SMCHD1: variants seen among roughly 807,000 people sequenced by gnomAD.
SMCHD1 encodes structural maintenance of chromosomes flexible hinge domain-containing protein 1.
SMCHD1 carries 78 observed loss-of-function variants against 254.7 expected under a neutral mutation model. That is an observed-to-expected ratio of 0.31 (90% CI 0.26 to 0.37). The LOEUF (loss-of-function observed/expected upper bound fraction) is 0.37, where lower values mean the gene tolerates loss of function less well. SMCHD1 is among the 10% of genes least tolerant of loss of function. The pLI, the probability that SMCHD1 is intolerant of heterozygous loss-of-function variation, is 1.00. For synonymous variants in SMCHD1, 766 were observed against 794.9 expected, an observed-to-expected ratio of 0.96 and a Z score of 0.61; for missense variants, 1,840 against 2,408.1, an observed-to-expected ratio of 0.76 and a Z score of 4.94.
Position 2,655,897 on chromosome 18 carries a change from C to T in SMCHD1, c.-179C>T, listed in dbSNP as rs1598264202. ...GGCAGGAGCGCGTTTGAATCGGTTC[C>T]CGGGTGATCCTCGCGCCTGCCGCTG... On this transcript the variant is annotated 5_prime_UTR_variant, in exon 1 of 48. Transcript: ENST00000320876. 2.3e-5 allele frequency: 9 copies of T among 399,316 alleles called. No homozygotes were observed. In the South Asian group the frequency reaches 7.9e-4, roughly 35 times the overall value. 24.7% of individuals were successfully genotyped at this position (399,316 alleles called of 1,614,324 possible). A position where few individuals can be genotyped will look rare whatever the true frequency, so the allele number is the denominator to read the frequency against.
intron 28 of SMCHD1, among the ~76,000 whole-genome samples, chr18:2,741,561 T>TCTGTTCTG (rs2075349794): frequency 6.6e-6 from 1 of 152,224 alleles, no homozygotes; most frequent in Admixed American, 6.5e-5. Flanking sequence ...TCTCCAGTAA[T>TCTGTTCTG]CTGTTCTGCT....
rs769432583 is a variant in SMCHD1, at chr18:2,708,907, T to TATATATATATATATATATATAAAA, written c.2260+988_2260+989insTATATATATATATATATATAAAAA. Among the ~76,000 whole-genome samples the TATATATATATATATATATATAAAA allele has an allele frequency of 4.3e-4, 19 of 44,702 alleles. 3 individuals carry two copies. The highest frequency in any genetic ancestry group is 1.2e-3 in the Admixed American group (4 of 3,386). The allele number at this position is 44,702 out of a possible 152,430, so 29.3% of individuals were successfully genotyped here. A position where few individuals can be genotyped will look rare whatever the true frequency, so the allele number is the denominator to read the frequency against. ...ATATATATATATATATATATATATATAACATATTAACATGAAATTTATGAA... is the reference window on the plus strand; with the variant it reads ...ATATATATATATATATATATATATATATATATATATATATATATATAAAAAACATATTAACATGAAATTTATGAA... On this transcript the variant is annotated intron_variant, in intron 17 of 47. Transcript: ENST00000320876.
Position 2,718,039 on chromosome 18 carries a change from G to A in SMCHD1, c.2261-119G>A, listed in dbSNP as rs1568223958. ...ATAGGATAGTGTTAGATCTTTTGAA[G>A]CTTCAAAGCAGGTTTTAAAATACAG... is the stretch of plus-strand genomic sequence containing the variant. On this transcript the variant is annotated intron_variant, in intron 17 of 47. Coordinates refer to ENST00000320876, the MANE Select transcript of SMCHD1 (RefSeq NM_015295.3). This position sits in a 1 kb window ranked among gnomAD's most constrained non-coding sequence, Gnocchi z 4.6. 1.5e-6 allele frequency: 1 copy of A among 678,830 alleles called. No homozygotes were observed. The highest frequency in any genetic ancestry group is 2.5e-6 in the Non-Finnish European group (1 of 406,456). The allele number at this position is 678,830 out of a possible 1,614,324, so 42.1% of individuals were successfully genotyped here. A position where few individuals can be genotyped will look rare whatever the true frequency, so the allele number is the denominator to read the frequency against.
In SMCHD1 at chr18:2,802,570, A is replaced by G; in HGVS notation, c.*18A>G. Reference sequence around the variant, plus strand: ...ATGTATGAGAGGTGACAGAGAGAAGAGGCCATTGGTCTCAGTAAGAATGCC... The same window carrying G: ...ATGTATGAGAGGTGACAGAGAGAAGGGGCCATTGGTCTCAGTAAGAATGCC... On this transcript the variant is annotated 3_prime_UTR_variant, in exon 48 of 48. Coordinates refer to ENST00000320876, the MANE Select transcript of SMCHD1 (RefSeq NM_015295.3). 2 of 1,550,652 alleles carry G rather than the reference A, an allele frequency of 1.3e-6. No individual in the cohort carries two copies. Among genetic ancestry groups the G allele is most frequent in the South Asian group, 2.4e-5 (2 of 83,418 alleles).
At chr18:2,702,810 C>T (rs976128354) in intron 12 of SMCHD1, among the ~76,000 whole-genome samples, 1 of 152,102 alleles carries the variant, frequency 6.6e-6, no homozygotes, top group Non-Finnish European at 1.5e-5. Flanking sequence ...TTAATTTTGC[C>T]TTACTTTCCT....
In SMCHD1 at chr18:2,759,571, C is replaced by CTTTTTTTTTTTTTTT. The variant is rs61159403; in HGVS notation, c.4347-1079_4347-1065dup. Among the ~76,000 whole-genome samples the CTTTTTTTTTTTTTTT allele has an allele frequency of 1.4e-3, 98 of 69,498 alleles. 8 individuals carry two copies. Among genetic ancestry groups the CTTTTTTTTTTTTTTT allele is most frequent in the African/African-American group, 2.4e-3 (43 of 17,714 alleles). The allele number at this position is 69,498 out of a possible 152,430, so 45.6% of individuals were successfully genotyped here. A position where few individuals can be genotyped will look rare whatever the true frequency, so the allele number is the denominator to read the frequency against. On this transcript the variant is annotated intron_variant, in intron 34 of 47. Transcript: ENST00000320876. ...AAGCAGAAGTCCGTTTTAATTCTCTCTTTTTTTTTTTTTTTTGAGATAGAG... is the reference window on the plus strand; with the variant it reads ...AAGCAGAAGTCCGTTTTAATTCTCTCTTTTTTTTTTTTTTTTTTTTTTTTTTTTTTTGAGATAGAG...
intron 45 of SMCHD1, among the ~76,000 whole-genome samples, chr18:2,792,773 A>C (rs1474511786): frequency 6.6e-6 from 1 of 152,158 alleles, no homozygotes; most frequent in Admixed American, 6.5e-5. Flanking sequence ...AGCTATTCTT[A>C]ATATTTTTAT....
chr18:2,735,480 A>G (rs537961469), intron 25 of SMCHD1, among the ~76,000 whole-genome samples: 4 of 152,354 alleles, frequency 2.6e-5, no homozygotes, highest in East Asian at 3.9e-4. Flanking sequence ...TAGGAAAAGA[A>G]GTCAAACTGT....
intron 30 of SMCHD1, among the ~76,000 whole-genome samples, chr18:2,748,634 A>T (rs1179528085): frequency 6.6e-6 from 1 of 151,894 alleles, no homozygotes; most frequent in Non-Finnish European, 1.5e-5. Flanking sequence ...ACCGCGGGTG[A>T]TCCACCCGCC....
At position 2,802,723 on chromosome 18, in the gene SMCHD1, C is replaced by A; in HGVS notation, c.*171C>A. On this transcript the variant is annotated 3_prime_UTR_variant, in exon 48 of 48. Transcript: ENST00000320876. ...TCAGATGGGACTGGAAACAACCATT[C>A]AATTTTATGAATCTTACTGGACATT... is the stretch of plus-strand genomic sequence containing the variant. The A allele has an allele frequency of 4.0e-6, 2 of 501,826 alleles. No individual in the cohort carries two copies. The highest frequency in any genetic ancestry group is 7.0e-6 in the Non-Finnish European group (2 of 285,684). The allele number at this position is 501,826 out of a possible 1,614,324, so 31.1% of individuals were successfully genotyped here.
chr18:2,723,423 T>C (rs201847985), intron 20 of SMCHD1, among the ~76,000 whole-genome samples: 2 of 151,744 alleles, frequency 1.3e-5, no homozygotes, highest in African/African-American at 4.8e-5. Context: ...GGAGAGGCTG[T>C]TGCCTGTGAG....
At chr18:2,711,785 A>G (rs968382109) in intron 17 of SMCHD1, among the ~76,000 whole-genome samples, 1 of 152,050 alleles carries the variant, frequency 6.6e-6, no homozygotes, top group Admixed American at 6.5e-5. Flanking sequence ...CCCGGCCTGG[A>G]TGTTTGTCTT....
intron 5 of SMCHD1, among the ~76,000 whole-genome samples, chr18:2,682,046 G>GT (rs1367807033): frequency 6.6e-6 from 1 of 152,182 alleles, no homozygotes; most frequent in East Asian, 1.9e-4. Flanking sequence ...GAATACGTTT[G>GT]TAACATCTAA....
chr18:2,795,226 T>C (rs2143857520), intron 45 of SMCHD1, among the ~76,000 whole-genome samples: 1 of 152,192 alleles, frequency 6.6e-6, no homozygotes, highest in Non-Finnish European at 1.5e-5. Context: ...GCTAATTTTG[T>C]TTTTGTATTT....
At chr18:2,797,598 A>G (rs530008075) in intron 47 of SMCHD1, among the ~76,000 whole-genome samples, 2 of 152,366 alleles carry the variant, frequency 1.3e-5, no homozygotes, top group Admixed American at 6.5e-5. Context: ...CTGTAATTCT[A>G]TGCAGTAGAG....
At chr18:2,722,424 A>G (rs2074946290) in intron 19 of SMCHD1, 95 bp from the exon 20 acceptor site, 1 of 1,051,908 alleles carries the variant, frequency 9.5e-7, no homozygotes, top group Non-Finnish European at 1.4e-6. Context: ...ATAGATTTCT[A>G]AAATTTCTCA....
At chr18:2,723,695 G>A (rs577457047) in intron 20 of SMCHD1, among the ~76,000 whole-genome samples, 1 of 152,250 alleles carries the variant, frequency 6.6e-6, no homozygotes, top group Non-Finnish European at 1.5e-5. Flanking sequence ...CAGCTTATCT[G>A]CTGTCCCTGG....
At chr18:2,738,091 C>G (rs2075283117) in intron 25 of SMCHD1, among the ~76,000 whole-genome samples, 1 of 152,002 alleles carries the variant, frequency 6.6e-6, no homozygotes, top group African/African-American at 2.4e-5. Flanking sequence ...ATCACATGAT[C>G]TGATTTATAT....
Position 2,738,166 on chromosome 18 carries a change from A to G in SMCHD1, c.3277-231A>G, listed in dbSNP as rs117286838. Reference sequence around the variant, plus strand: ...GGCAGAGCTCTAAAGAAATGACTTAAGAATTTTTATTTTATCTCACTAAAA... The same window carrying G: ...GGCAGAGCTCTAAAGAAATGACTTAGGAATTTTTATTTTATCTCACTAAAA... On this transcript the variant is annotated intron_variant, in intron 25 of 47. Coordinates refer to ENST00000320876, the MANE Select transcript of SMCHD1 (RefSeq NM_015295.3). 0.024 allele frequency among the ~76,000 whole-genome samples: 3,727 copies of G among 152,328 alleles called. 71 individuals are homozygous for G. Among genetic ancestry groups the G allele is most frequent in the Non-Finnish European group, 0.039 (2,660 of 68,024 alleles).
Sources: gnomAD v4.1 joint callset for allele counts (sites outside exome capture counted in the v4.1 genomes callset) on GRCh38, gnomAD v4.1.1 for gene constraint, Gnocchi (gnomAD v3.1) non-coding constraint, MANE v1.5 for transcripts, NCBI Gene and HGNC (gene_info 2026-07-23, HGNC 2026-07-21) for gene names.